The following NPAS2 variants were observed in gnomAD, a reference collection of about 807,000 sequenced individuals.
NPAS2 encodes neuronal PAS domain-containing protein 2.
NPAS2 carries 23 observed loss-of-function variants against 107.5 expected under a neutral mutation model. That is an observed-to-expected ratio of 0.21 (90% CI 0.15 to 0.30). The LOEUF (loss-of-function observed/expected upper bound fraction) is 0.30. Ranked by LOEUF, NPAS2 falls within the 10% of genes least tolerant of loss-of-function variation. The probability of loss-of-function intolerance (pLI) is 1.00; values close to 1 mark genes in which losing one functional copy is unlikely to be tolerated. For synonymous variants in NPAS2, 403 were observed against 417.5 expected (o/e 0.97, Z 0.42); for missense variants, 756 against 1,043.3 (o/e 0.72, Z 3.79).
Position 100,965,854 on chromosome 2 carries a change from C to T in NPAS2, c.907+88C>T, listed in dbSNP as rs1676179990. The T allele has an allele frequency of 1.2e-6, 1 of 804,960 alleles. No individual in the cohort carries two copies. The allele number at this position is 804,960 out of a possible 1,614,324, so 49.9% of individuals were successfully genotyped here. A position where few individuals can be genotyped will look rare whatever the true frequency, so the allele number is the denominator to read the frequency against. On this transcript the variant is annotated intron_variant, in intron 10 of 20. Coordinates refer to ENST00000335681, the MANE Select transcript of NPAS2 (RefSeq NM_002518.4). This position sits in a 1 kb window ranked among gnomAD's most constrained non-coding sequence, Gnocchi z 4.3. ...CAGGGCTCTGGGACTCCAGAAGCCT[C>T]TGCTCGTTACCTGGTTTCTTTTTAA... is the stretch of plus-strand genomic sequence containing the variant.
At chr2:100,861,256 G>A (rs980568146) in intron 1 of NPAS2, among the ~76,000 whole-genome samples, 1 of 152,094 alleles carries the variant, frequency 6.6e-6, no homozygotes, top group South Asian at 2.1e-4. Flanking sequence ...ACATATTACT[G>A]TGTCTACCCT....
intron 1 of NPAS2, among the ~76,000 whole-genome samples, chr2:100,847,547 T>G (rs930980608): frequency 6.6e-6 from 1 of 152,136 alleles, no homozygotes. Context: ...TTTTTTTGTA[T>G]TTTTAGTAGA....
intron 3 of NPAS2, 49 bp downstream of exon 3, chr2:100,925,343 G>A (rs1683493694): frequency 6.3e-7 from 1 of 1,591,576 alleles, no homozygotes; most frequent in Non-Finnish European, 8.6e-7. Context: ...CCCCGTCCAT[G>A]TGGTGATGAC....
At chr2:100,858,051 G>A (rs991332678) in intron 1 of NPAS2, among the ~76,000 whole-genome samples, 4 of 152,222 alleles carry the variant, frequency 2.6e-5, no homozygotes. Context: ...TATAAAACAT[G>A]ATTCAGTGTT....
At position 100,898,074 on chromosome 2, in the gene NPAS2, A is replaced by G. The variant is rs138517346; in HGVS notation, c.-22-6659A>G. 2.4e-4 allele frequency among the ~76,000 whole-genome samples: 37 copies of G among 152,104 alleles called. No homozygotes were observed. In the East Asian group the frequency reaches 7.1e-3, roughly 29 times the overall value. On this transcript the variant is annotated intron_variant, in intron 1 of 20. Coordinates refer to ENST00000335681, the MANE Select transcript of NPAS2 (RefSeq NM_002518.4). ...TCAATTCATTCTCAATCAAAATCGC[A>G]TCAAGCTATCACTTTTTTTTTTTGA...
chr2:100,847,720 T>C (rs1407626870), intron 1 of NPAS2, among the ~76,000 whole-genome samples: 1 of 152,190 alleles, frequency 6.6e-6, no homozygotes, highest in African/African-American at 2.4e-5. Flanking sequence ...CCCGGCAAGG[T>C]GTGACATCTG....
At chr2:100,846,243 C>T (rs1677766501) in intron 1 of NPAS2, among the ~76,000 whole-genome samples, 1 of 152,212 alleles carries the variant, frequency 6.6e-6, no homozygotes, top group Non-Finnish European at 1.5e-5. Context: ...AAGGGAGACA[C>T]TGGAATCTTT....
chr2:100,906,035 C>G (rs2104781890), intron 2 of NPAS2, among the ~76,000 whole-genome samples: 2 of 152,346 alleles, frequency 1.3e-5, no homozygotes, highest in Middle Eastern at 6.8e-3. Context: ...GTAGACAGAA[C>G]AGCCTTCATC....
At chr2:100,975,097 C>A (rs1676887624) in intron 13 of NPAS2, among the ~76,000 whole-genome samples, 153 bp downstream of exon 13, 1 of 152,224 alleles carries the variant, frequency 6.6e-6, no homozygotes, top group East Asian at 1.9e-4. Context: ...CTTTCCCAGA[C>A]TTCCCGCCTC....
chr2:100,963,516 A>C (rs951739491), intron 7 of NPAS2, among the ~76,000 whole-genome samples: 9 of 152,090 alleles, frequency 5.9e-5, no homozygotes, highest in African/African-American at 2.2e-4. Context: ...AGTGATTCTC[A>C]GCCTCCCAAG....
Position 100,965,618 on chromosome 2 carries a change from G to A in NPAS2, c.801-42G>A. The A allele has an allele frequency of 7.4e-7, 1 of 1,356,100 alleles. No homozygotes were observed. The highest frequency in any genetic ancestry group is 1.1e-6 in the Non-Finnish European group (1 of 948,668). 84.0% of individuals were successfully genotyped at this position (1,356,100 alleles called of 1,614,324 possible). A position where few individuals can be genotyped will look rare whatever the true frequency, so the allele number is the denominator to read the frequency against. Reference sequence around the variant, plus strand: ...TGGCCACCAGGGTGAGCCCTGCAGGGTGTCTCCTCCCTGATGACAAGTCCT... The same window carrying A: ...TGGCCACCAGGGTGAGCCCTGCAGGATGTCTCCTCCCTGATGACAAGTCCT... On this transcript the variant is annotated intron_variant, in intron 9 of 20. Coordinates refer to ENST00000335681, the MANE Select transcript of NPAS2 (RefSeq NM_002518.4). The surrounding 1 kb of genome is among the most constrained non-coding windows in gnomAD (Gnocchi z 4.3).
intron 1 of NPAS2, among the ~76,000 whole-genome samples, chr2:100,848,062 G>A (rs17024874): frequency 0.027 from 4,158 of 152,302 alleles, 80 homozygotes; most frequent in African/African-American, 0.049. Context: ...GTATCATTTA[G>A]AAGTGGATGT....
chr2:100,890,454 C>T (rs866736577), intron 1 of NPAS2, among the ~76,000 whole-genome samples: 20 of 152,070 alleles, frequency 1.3e-4, no homozygotes, highest in South Asian at 4.2e-4. Context: ...CCCTAGCCTA[C>T]GGGGAATCTC....
intron 2 of NPAS2, among the ~76,000 whole-genome samples, chr2:100,912,255 TA>T (rs1210578469): frequency 2.6e-5 from 2 of 76,550 alleles, no homozygotes; most frequent in South Asian, 4.7e-4. Context: ...TTTATTTATT[TA>T]TTATTATTAT....
intron 2 of NPAS2, among the ~76,000 whole-genome samples, chr2:100,916,890 T>C (rs1418357613): frequency 6.6e-6 from 1 of 152,134 alleles, no homozygotes; most frequent in Non-Finnish European, 1.5e-5. Flanking sequence ...TATCTCCACA[T>C]CTTGGAAATT....
At chr2:100,960,791 G>A (rs1675871940) in intron 7 of NPAS2, among the ~76,000 whole-genome samples, 1 of 152,124 alleles carries the variant, frequency 6.6e-6, no homozygotes, top group South Asian at 2.1e-4. Flanking sequence ...GGATGAGATG[G>A]TGTCTTCCCG....
chr2:100,905,805 C>G (rs1251652291), intron 2 of NPAS2, among the ~76,000 whole-genome samples: 3 of 152,158 alleles, frequency 2.0e-5, no homozygotes, highest in Admixed American at 1.3e-4. Context: ...TGCTTGTCAC[C>G]TGTAAATGGT....
intron 5 of NPAS2, among the ~76,000 whole-genome samples, chr2:100,947,847 G>A (rs890452543): frequency 6.6e-6 from 1 of 152,218 alleles, no homozygotes; most frequent in Non-Finnish European, 1.5e-5. Context: ...GAACCCTGTG[G>A]GCTCTTTGGA....
At chr2:100,832,184 A>G (rs959363571) in intron 1 of NPAS2, among the ~76,000 whole-genome samples, 1 of 152,120 alleles carries the variant, frequency 6.6e-6, no homozygotes, top group East Asian at 1.9e-4. Context: ...CATTCCATGG[A>G]GAGAATGAGA....
Sources: allele counts gnomAD v4.1 joint callset (sites outside exome capture counted in the v4.1 genomes callset), GRCh38; gene constraint gnomAD v4.1.1; non-coding constraint Gnocchi (gnomAD v3.1); transcripts MANE v1.5; gene names NCBI Gene and HGNC (gene_info 2026-07-23, HGNC 2026-07-21).